Variants in CARS1 observed in about 807,000 individuals in gnomAD.
CARS1 encodes cysteinyl-tRNA synthetase 1.
In CARS1, 48 loss-of-function variants were observed where a neutral mutation model predicts 106.2. The observed-to-expected ratio is 0.45, with a 90% CI of 0.36 to 0.57. CARS1 has a LOEUF of 0.57. Among genes scored for constraint, CARS1 ranks in the 20% least tolerant of loss-of-function variants. The probability of loss-of-function intolerance (pLI) is 0.00; values close to 1 mark genes in which losing one functional copy is unlikely to be tolerated. For synonymous variants in CARS1, 409 were observed against 403.4 expected (o/e 1.01, Z -0.17); for missense variants, 968 against 1,057.2 (o/e 0.92, Z 1.17).
In CARS1 at chr11:3,017,605, T is replaced by C; in HGVS notation, c.1727+252A>G. ...TTGTGGTGAGCCGAGATCACGCCAC[T>C]GCACTCCAGCCTGGGCAACAAGGGC... On this transcript the variant is annotated intron_variant, in intron 15 of 22. Coordinates refer to ENST00000380525, the MANE Select transcript of CARS1 (RefSeq NM_001014437.3). This position sits in a 1 kb window ranked among gnomAD's most constrained non-coding sequence, Gnocchi z 4.9. The C allele has an allele frequency of 5.3e-6, 3 of 565,818 alleles. No homozygotes were observed. Among genetic ancestry groups the C allele is most frequent in the Non-Finnish European group, 9.4e-6 (3 of 320,458 alleles). The allele number at this position is 565,818 out of a possible 1,614,324, so 35.0% of individuals were successfully genotyped here. A position where few individuals can be genotyped will look rare whatever the true frequency, so the allele number is the denominator to read the frequency against.
rs760585448 is a variant in CARS1 at position 3,029,290 on chromosome 11, T to A, written c.942+13A>T. On this transcript the variant is annotated intron_variant, in intron 8 of 22. Transcript: ENST00000380525. The surrounding 1 kb of genome is among the most constrained non-coding windows in gnomAD (Gnocchi z 5.9). ...GCGCAAGAGAGCCAGCACAAGACAA[T>A]CGTGACACTTACATTCAGAGCTTCC... The A allele has an allele frequency of 1.2e-6, 2 of 1,613,580 alleles. No individual in the cohort carries two copies. Among genetic ancestry groups the A allele is most frequent in the African/African-American group, 2.7e-5 (2 of 74,992 alleles).
chr11:3,031,900 G>C (rs1852815026), intron 7 of CARS1, among the ~76,000 whole-genome samples: 1 of 152,002 alleles, frequency 6.6e-6, no homozygotes. Flanking sequence ...AGTGAATATT[G>C]GAGAAAAATC....
At chr11:3,025,955 T>C (rs1852029152) in intron 10 of CARS1, among the ~76,000 whole-genome samples, 1 of 152,184 alleles carries the variant, frequency 6.6e-6, no homozygotes, top group Non-Finnish European at 1.5e-5. Flanking sequence ...GGGGCCACTA[T>C]GTTTCTCAAG....
At chr11:3,055,860 A>C (rs1465462309) in intron 1 of CARS1, among the ~76,000 whole-genome samples, 2 of 152,008 alleles carry the variant, frequency 1.3e-5, no homozygotes, top group African/African-American at 4.8e-5. Context: ...ATTCATTTAC[A>C]CTCCATGCTC....
Position 3,046,461 on chromosome 11 carries a change from G to A in CARS1, c.274+1292C>T, listed in dbSNP as rs750804164. Among the ~76,000 whole-genome samples the A allele has an allele frequency of 5.3e-5, 8 of 152,164 alleles. No homozygotes were observed. The highest frequency in any genetic ancestry group is 9.7e-5 in the African/African-American group (4 of 41,440). On this transcript the variant is annotated intron_variant, in intron 2 of 22. Transcript: ENST00000380525. The surrounding 1 kb of genome is among the most constrained non-coding windows in gnomAD (Gnocchi z 5.8). ...CCGCGCTGGAGGCTCAGGCAGGAAC[G>A]GCTACATGGGGAAGGACGTGACCTG... is the stretch of plus-strand genomic sequence containing the variant.
chr11:3,026,895 C>T (rs951967351), intron 9 of CARS1, 98 bp from the exon 10 acceptor site: 95 of 1,394,864 alleles, frequency 6.8e-5, no homozygotes, highest in Middle Eastern at 5.5e-4. Flanking sequence ...TATAAAAGTG[C>T]GAAATCTGTG....
chr11:3,012,122 G>A (rs370242652), intron 18 of CARS1, 73 bp downstream of exon 18: 52 of 1,352,716 alleles, frequency 3.8e-5, no homozygotes, highest in African/African-American at 3.4e-4. Flanking sequence ...ATAGTGCCTC[G>A]GGGGAGACGC....
At chr11:3,024,560 G>C (rs1333052017) in intron 10 of CARS1, among the ~76,000 whole-genome samples, 1 of 152,168 alleles carries the variant, frequency 6.6e-6, no homozygotes, top group Non-Finnish European at 1.5e-5. Context: ...TGATCCTCCT[G>C]CATCAGCCTC....
rs1475096949 is a variant in CARS1 at position 3,050,914 on chromosome 11, C to T, written c.26-2913G>A. Reference sequence around the variant, plus strand: ...CATTTCTTTCCTTCACCATCTGCCCCACCGCTCCATCTACCTTATTCACTG... The same window carrying T: ...CATTTCTTTCCTTCACCATCTGCCCTACCGCTCCATCTACCTTATTCACTG... On this transcript the variant is annotated intron_variant, in intron 1 of 22. Transcript: ENST00000380525. The surrounding 1 kb of genome is among the most constrained non-coding windows in gnomAD (Gnocchi z 6.3). Among the ~76,000 whole-genome samples, 1 of 152,254 alleles carries T rather than the reference C, an allele frequency of 6.6e-6. No homozygotes were observed. Among genetic ancestry groups the T allele is most frequent in the Non-Finnish European group, 1.5e-5 (1 of 68,044 alleles).
Position 3,004,581 on chromosome 11 carries a change from C to T in CARS1, c.2217+785G>A, listed in dbSNP as rs887134061. ...ATGGTGTGCACTGGGGGCCCAGGTG[C>T]CTCTCATCCTGCTGCCTGCATCCCA... On this transcript the variant is annotated intron_variant, in intron 20 of 22. Transcript: ENST00000380525. The surrounding 1 kb of genome is among the most constrained non-coding windows in gnomAD (Gnocchi z 5.2). Among the ~76,000 whole-genome samples the T allele has an allele frequency of 1.3e-5, 2 of 152,322 alleles. No individual in the cohort carries two copies. Among genetic ancestry groups the T allele is most frequent in the Admixed American group, 6.5e-5 (1 of 15,304 alleles).
chr11:3,012,957 T>C (rs902137920), intron 17 of CARS1, among the ~76,000 whole-genome samples: 6 of 147,520 alleles, frequency 4.1e-5, no homozygotes, highest in Non-Finnish European at 9.0e-5. Flanking sequence ...TGGTGTGATC[T>C]CGGCTCACTG....
chr11:3,006,931 G>T lies in CARS1; in HGVS notation c.2097C>A (p.Ala699=), dbSNP rs746790326. 6.2e-7 allele frequency: 1 copy of T among 1,614,110 alleles called. No homozygotes were observed. Among genetic ancestry groups the T allele is most frequent in the South Asian group, 1.1e-5 (1 of 91,090 alleles). ...KVPEILQLSD[A]LRDNILPELG... is the part of the protein sequence containing the mutation. ...GCTCGGGCAGGATGTTGTCCCGCAG[G>T]GCATCGCTGAGCTGCAGAATCTCAG... Residue 699 remains alanine, a synonymous_variant, in exon 19 of 23, where the codon GCC becomes GCA. Transcript: ENST00000380525.
Position 3,018,145 on chromosome 11 carries a change from C to T in CARS1, c.1630-191G>A, listed in dbSNP as rs1590369472. The T allele has an allele frequency of 6.5e-6, 4 of 614,556 alleles. No homozygotes were observed. The East Asian group carries it at 1.1e-4, about 17-fold the overall frequency. The allele number at this position is 614,556 out of a possible 1,614,324, so 38.1% of individuals were successfully genotyped here. On this transcript the variant is annotated intron_variant, in intron 14 of 22. Transcript: ENST00000380525. The stretch of plus-strand genomic sequence containing the variant: ...TGCTCTTGCTTTAGGTTTACAGATG[C>T]TCATTTGGTGGAAAGTACAAGTCAG...
rs540805702 is a variant in CARS1 at position 3,021,119 on chromosome 11, G to A, written c.1154-787C>T. Among the ~76,000 whole-genome samples, 4 of 152,214 alleles carry A rather than the reference G, an allele frequency of 2.6e-5. No individual in the cohort carries two copies. The highest frequency in any genetic ancestry group is 1.9e-4 in the East Asian group (1 of 5,184). Reference sequence around the variant, plus strand: ...CCACCTGACACTCAGGGTACAAGGCGGTCTGAGTCCCCAGAAAAGGAATGC... The same window carrying A: ...CCACCTGACACTCAGGGTACAAGGCAGTCTGAGTCCCCAGAAAAGGAATGC... On this transcript the variant is annotated intron_variant, in intron 10 of 22. Transcript: ENST00000380525. The surrounding 1 kb of genome is among the most constrained non-coding windows in gnomAD (Gnocchi z 5.3).
rs746029685 is a variant in CARS1 at position 3,040,881 on chromosome 11, C to T, written c.455+15G>A. On this transcript the variant is annotated intron_variant, in intron 4 of 22. Transcript: ENST00000380525. This position sits in a 1 kb window ranked among gnomAD's most constrained non-coding sequence, Gnocchi z 5.8. The stretch of plus-strand genomic sequence containing the variant: ...CAACTGCAGAAGCTGCAGGGACACC[C>T]CGCGGTGGACCTACCTGGCGTGCCC... The T allele has an allele frequency of 1.9e-6, 3 of 1,612,480 alleles. No homozygotes were observed. In the South Asian group the frequency reaches 3.3e-5, roughly 18 times the overall value.
At position 3,014,395 on chromosome 11, in the gene CARS1, G is replaced by A. The variant is rs117322143; in HGVS notation, c.1986+1386C>T. The stretch of plus-strand genomic sequence containing the variant: ...TGTGTGGGCACAGGACGTTTTGTCA[G>A]CAGGCTCACCATTCGCCGCAGCTGC... On this transcript the variant is annotated intron_variant, in intron 17 of 22. Coordinates refer to ENST00000380525, the MANE Select transcript of CARS1 (RefSeq NM_001014437.3). Among the ~76,000 whole-genome samples, 86 of 152,358 alleles carry A rather than the reference G, an allele frequency of 5.6e-4. No individual in the cohort carries two copies. In the East Asian group the frequency reaches 0.015, roughly 26 times the overall value.
chr11:3,013,180 G>A (rs1850661077), intron 17 of CARS1, among the ~76,000 whole-genome samples: 1 of 148,946 alleles, frequency 6.7e-6, no homozygotes, highest in Admixed American at 6.7e-5. Context: ...TTGAGATGGA[G>A]TTTTGCTCTC....
chr11:3,047,276 CAAAAA>C (rs59525343), intron 2 of CARS1, among the ~76,000 whole-genome samples: 1 of 84,516 alleles, frequency 1.2e-5, no homozygotes, highest in Admixed American at 1.2e-4. Flanking sequence ...GACTCCATCT[CAAAAA>C]AAAAAAAAAA....
Position 3,001,264 on chromosome 11 carries a change from A to G in CARS1, c.2362-16T>C. ...TGGGCAGACCCTGAAAACCCAGAGC[A>G]CAGCGGCTATTGGTCTCCTCTGCAC... is the stretch of plus-strand genomic sequence containing the variant. On this transcript the variant is annotated splice_polypyrimidine_tract_variant and intron_variant, in intron 22 of 22. Transcript: ENST00000380525. The G allele has an allele frequency of 6.2e-7, 1 of 1,612,370 alleles. No individual in the cohort carries two copies. Among genetic ancestry groups the G allele is most frequent in the Non-Finnish European group, 8.5e-7 (1 of 1,179,940 alleles).
Sources: gnomAD v4.1 joint callset for allele counts (sites outside exome capture counted in the v4.1 genomes callset) on GRCh38, gnomAD v4.1.1 for gene constraint, Gnocchi (gnomAD v3.1) non-coding constraint, MANE v1.5 for transcripts, NCBI Gene and HGNC (gene_info 2026-07-23, HGNC 2026-07-21) for gene names.